Variants in HS6ST1 observed in about 807,000 individuals in gnomAD.
HS6ST1 encodes heparan-sulfate 6-O-sulfotransferase 1.
Under a neutral mutation model 25.2 loss-of-function variants are expected in HS6ST1, and 3 were observed. That is an observed-to-expected ratio of 0.12 (90% confidence interval 0.05 to 0.31). The LOEUF (loss-of-function observed/expected upper bound fraction) is 0.31. Among genes scored for constraint, HS6ST1 ranks in the 10% least tolerant of loss-of-function variants. The pLI is 1.00. For missense variants in HS6ST1, 310 were observed against 609.6 expected (o/e 0.51, Z 5.18); for synonymous variants, 204 against 275.1 (o/e 0.74, Z 2.56).
At chr2:128,275,548 T>G (rs1244590169) in intron 1 of HS6ST1, among the ~76,000 whole-genome samples, 1 of 152,134 alleles carries the variant, frequency 6.6e-6, no homozygotes, top group Non-Finnish European at 1.5e-5. Flanking sequence ...AGTATGTGTA[T>G]GAATTACTTT....
chr2:128,301,123 TG>T (rs1365630675), intron 1 of HS6ST1, among the ~76,000 whole-genome samples: 1 of 151,810 alleles, frequency 6.6e-6, no homozygotes, highest in African/African-American at 2.4e-5. Context: ...CAGGGGTTTC[TG>T]GGGGCTGCGT....
At position 128,265,574 on chromosome 2, in the gene HS6ST1, T is replaced by C. The variant is rs1355151465; in HGVS notation, c.*2588A>G. Reference sequence around the variant, plus strand: ...GACTTGCTTTTCCATCATCAACTCATTTTTTTGTATGAATAACCAAAAAAT... The same window carrying C: ...GACTTGCTTTTCCATCATCAACTCACTTTTTTGTATGAATAACCAAAAAAT... On this transcript the variant is annotated 3_prime_UTR_variant, in exon 2 of 2. Coordinates refer to ENST00000259241, the MANE Select transcript of HS6ST1 (RefSeq NM_004807.3). 2.6e-5 allele frequency: 4 copies of C among 152,254 alleles called. No individual in the cohort carries two copies. Among genetic ancestry groups the C allele is most frequent in the African/African-American group, 4.8e-5 (2 of 41,466 alleles). 9.4% of individuals were successfully genotyped at this position (152,254 alleles called of 1,614,324 possible).
At chr2:128,307,470 G>A (rs912860228) in intron 1 of HS6ST1, among the ~76,000 whole-genome samples, 3 of 152,218 alleles carry the variant, frequency 2.0e-5, no homozygotes, top group Non-Finnish European at 4.4e-5. Context: ...GGATGCCACA[G>A]GCCCAAGTCC....
intron 1 of HS6ST1, among the ~76,000 whole-genome samples, chr2:128,279,872 C>T (rs956724780): frequency 5.9e-5 from 9 of 152,166 alleles, no homozygotes; most frequent in Admixed American, 2.6e-4. Context: ...CTCTGAGGAC[C>T]GCGTGAGCAC....
intron 1 of HS6ST1, among the ~76,000 whole-genome samples, chr2:128,271,092 T>G (rs1196756509): frequency 6.6e-6 from 1 of 152,200 alleles, no homozygotes; most frequent in Non-Finnish European, 1.5e-5. Context: ...GGTGTGTGAC[T>G]TGCCCAGGGC....
intron 1 of HS6ST1, among the ~76,000 whole-genome samples, chr2:128,282,449 C>T (rs913204514): frequency 3.3e-5 from 5 of 152,180 alleles, no homozygotes; most frequent in African/African-American, 9.7e-5. Context: ...CTACCCAGCC[C>T]CCACCGGCCC....
chr2:128,308,124 T>C (rs1694238560), intron 1 of HS6ST1, among the ~76,000 whole-genome samples: 1 of 152,250 alleles, frequency 6.6e-6, no homozygotes, highest in African/African-American at 2.4e-5. Context: ...AATACACACA[T>C]CTACAGCGAA....
intron 1 of HS6ST1, among the ~76,000 whole-genome samples, chr2:128,270,227 CCTGG>C (rs771730637): frequency 3.9e-4 from 59 of 152,314 alleles, no homozygotes; most frequent in Non-Finnish European, 7.1e-4. Context: ...CAGACCCTGC[CCTGG>C]AGGAGCTCTC....
intron 1 of HS6ST1, among the ~76,000 whole-genome samples, chr2:128,279,541 T>C (rs180745671): frequency 1.4e-4 from 22 of 152,076 alleles, no homozygotes; most frequent in African/African-American, 4.6e-4. Context: ...ATTCCAATGG[T>C]GTGCTTTGAT....
intron 1 of HS6ST1, among the ~76,000 whole-genome samples, chr2:128,293,678 G>A (rs548353903): frequency 6.6e-6 from 1 of 152,306 alleles, no homozygotes; most frequent in African/African-American, 2.4e-5. Flanking sequence ...GGGCCCACGG[G>A]GACAGAGGGC....
intron 1 of HS6ST1, among the ~76,000 whole-genome samples, chr2:128,270,204 G>A (rs1005869153): frequency 2.0e-5 from 3 of 152,218 alleles, no homozygotes; most frequent in African/African-American, 4.8e-5. Flanking sequence ...TGTTTTCTGT[G>A]GCCTGGCAGG....
chr2:128,305,460 G>C (rs1197157655), intron 1 of HS6ST1, among the ~76,000 whole-genome samples: 1 of 152,240 alleles, frequency 6.6e-6, no homozygotes, highest in Non-Finnish European at 1.5e-5. Flanking sequence ...CTTCCTGCCT[G>C]CCAGGAGGGA....
intron 1 of HS6ST1, among the ~76,000 whole-genome samples, chr2:128,274,742 C>A (rs141598548): frequency 6.6e-6 from 1 of 151,934 alleles, no homozygotes; most frequent in Non-Finnish European, 1.5e-5. Context: ...TTTGGGAGGC[C>A]GAGGTGGGTG....
chr2:128,296,797 A>G (rs748037291), intron 1 of HS6ST1, among the ~76,000 whole-genome samples: 1 of 152,256 alleles, frequency 6.6e-6, no homozygotes, highest in Non-Finnish European at 1.5e-5. Context: ...CTACTCATGT[A>G]ATCTACAGAT....
chr2:128,269,883 C>T (rs1043176150), intron 1 of HS6ST1, among the ~76,000 whole-genome samples: 4 of 152,236 alleles, frequency 2.6e-5, no homozygotes, highest in African/African-American at 9.6e-5. Context: ...CCTCCCCTCA[C>T]ACTGCCCTGG....
Position 128,283,146 on chromosome 2 carries a change from T to G in HS6ST1, c.528-14276A>C, listed in dbSNP as rs541559260. On this transcript the variant is annotated intron_variant, in intron 1 of 1. Transcript: ENST00000259241. Reference sequence around the variant, plus strand: ...CCCTGCGAGCCCACTTTCCTGCAGTTGAAAAAGGCCAGGACTCTCTGGCTC... The same window carrying G: ...CCCTGCGAGCCCACTTTCCTGCAGTGGAAAAAGGCCAGGACTCTCTGGCTC... 5.3e-5 allele frequency among the ~76,000 whole-genome samples: 8 copies of G among 152,274 alleles called. No individual in the cohort carries two copies. In the South Asian group the frequency reaches 1.7e-3, roughly 32 times the overall value.
At chr2:128,317,994 CGG>C (rs1249416128) in intron 1 of HS6ST1, 41 bp downstream of exon 1, 105 of 1,405,616 alleles carry the variant, frequency 7.5e-5, no homozygotes, top group Non-Finnish European at 9.1e-5. Flanking sequence ...GGCCCGGCCT[CGG>C]GGGCGCAGCT....
chr2:128,292,242 G>C (rs539962126), intron 1 of HS6ST1, among the ~76,000 whole-genome samples: 1 of 152,338 alleles, frequency 6.6e-6, no homozygotes, highest in South Asian at 2.1e-4. Context: ...GTCCATGCCA[G>C]GCAGTCTGGG....
intron 1 of HS6ST1, among the ~76,000 whole-genome samples, chr2:128,315,406 A>G (rs1694347026): frequency 6.6e-6 from 1 of 152,202 alleles, no homozygotes; most frequent in Non-Finnish European, 1.5e-5. Flanking sequence ...GACCCTCCCA[A>G]ACCGCAGCAG....
Sources: allele counts gnomAD v4.1 joint callset (sites outside exome capture counted in the v4.1 genomes callset), GRCh38; gene constraint gnomAD v4.1.1; transcripts MANE v1.5; gene names NCBI Gene and HGNC (gene_info 2026-07-23, HGNC 2026-07-21).